Variants in RPS6KA2 observed in about 807,000 individuals in gnomAD.
The protein encoded by RPS6KA2 is ribosomal protein S6 kinase alpha-2.
A neutral mutation model predicts 91.8 loss-of-function variants in RPS6KA2; 42 were observed. The observed-to-expected ratio is 0.46, with a 90% CI of 0.36 to 0.59. RPS6KA2 has a LOEUF of 0.59. RPS6KA2 is among the 20% of genes least tolerant of loss of function. RPS6KA2 has a pLI of 0.00. For missense variants in RPS6KA2, 798 were observed against 978.5 expected, an observed-to-expected ratio of 0.82 and a Z score of 2.46; for synonymous variants, 414 against 393.6, an observed-to-expected ratio of 1.05 and a Z score of -0.61.
intron 2 of RPS6KA2, among the ~76,000 whole-genome samples, chr6:166,658,197 C>T (rs532391685): frequency 6.6e-6 from 1 of 152,228 alleles, no homozygotes; most frequent in East Asian, 1.9e-4. Flanking sequence ...TTTTTTACTC[C>T]TGGGCGTGAT....
chr6:166,432,595 C>T, intron 14 of RPS6KA2, 105 bp from the exon 15 acceptor site: 1 of 646,528 alleles, frequency 1.5e-6, no homozygotes, highest in Non-Finnish European at 2.8e-6. Flanking sequence ...CCAGGTGGCC[C>T]AATCACTACA....
chr6:166,443,448 C>T (rs1040828232), intron 14 of RPS6KA2, among the ~76,000 whole-genome samples: 6 of 152,314 alleles, frequency 3.9e-5, no homozygotes, highest in South Asian at 4.1e-4. Flanking sequence ...GCACTAAACA[C>T]GGTGAAAAAT....
intron 2 of RPS6KA2, among the ~76,000 whole-genome samples, chr6:166,758,524 C>T (rs536610407): frequency 3.1e-4 from 47 of 152,304 alleles, no homozygotes; most frequent in Non-Finnish European, 4.4e-4. Context: ...TGAGTACAGG[C>T]GGCAGGTTCA....
Position 166,749,765 on chromosome 6 carries a change from A to G in RPS6KA2, c.123+108435T>C, listed in dbSNP as rs549436471. ...CTCTTCCTCAGGCCCCCATCTCCTC[A>G]GGCCCCCATTTCCTCAGGTCCCCAT... On this transcript the variant is annotated intron_variant, in intron 2 of 21. Coordinates refer to the RPS6KA2 transcript ENST00000503859. 3.6e-3 allele frequency among the ~76,000 whole-genome samples: 326 copies of G among 90,932 alleles called. 5 individuals carry two copies. Among genetic ancestry groups the G allele is most frequent in the Admixed American group, 5.3e-3 (46 of 8,654 alleles). The allele number at this position is 90,932 out of a possible 152,430, so 59.7% of individuals were successfully genotyped here.
At chr6:166,647,974 ACAT>A (rs1787693788) in intron 2 of RPS6KA2, among the ~76,000 whole-genome samples, 1 of 72,550 alleles carries the variant, frequency 1.4e-5, no homozygotes, top group African/African-American at 5.9e-5. Context: ...ATACATACAC[ACAT>A]GCTCACACAC....
chr6:166,674,104 C>A (rs1336799802), intron 2 of RPS6KA2, among the ~76,000 whole-genome samples: 2 of 152,216 alleles, frequency 1.3e-5, no homozygotes, highest in African/African-American at 2.4e-5. Context: ...TGTACTGGTA[C>A]TCTTAGAGCC....
chr6:166,452,742 T>G (rs1779957223), intron 12 of RPS6KA2, among the ~76,000 whole-genome samples: 1 of 152,196 alleles, frequency 6.6e-6, no homozygotes, highest in African/African-American at 2.4e-5. Flanking sequence ...GGAAAATTAG[T>G]TCGTCATAAG....
At chr6:166,774,990 G>A (rs750756428) in intron 2 of RPS6KA2, among the ~76,000 whole-genome samples, 1 of 151,924 alleles carries the variant, frequency 6.6e-6, no homozygotes, top group African/African-American at 2.4e-5. Context: ...GTGGCACTGC[G>A]GATATTTTTA....
chr6:166,699,204 T>C (rs565240136), intron 2 of RPS6KA2, among the ~76,000 whole-genome samples: 1 of 152,160 alleles, frequency 6.6e-6, no homozygotes, highest in Non-Finnish European at 1.5e-5. Flanking sequence ...GTCAGAAAAC[T>C]ACCTGAAGAG....
intron 2 of RPS6KA2, among the ~76,000 whole-genome samples, chr6:166,759,083 G>GCA (rs3066790): frequency 0.01 from 1,070 of 105,376 alleles, 13 homozygotes; most frequent in African/African-American, 0.03. Flanking sequence ...GTGTGTGTGT[G>GCA]CACATGTGTG....
intron 2 of RPS6KA2, among the ~76,000 whole-genome samples, chr6:166,685,228 A>G (rs56113870): frequency 0.26 from 27,251 of 105,322 alleles, 2,366 homozygotes; most frequent in African/African-American, 0.4. Context: ...TGGAGTGTGT[A>G]TGCAGGCTGG....
chr6:166,519,478 C>T (rs3799663), intron 3 of RPS6KA2, among the ~76,000 whole-genome samples: 21,518 of 152,230 alleles, frequency 0.14, 1,767 homozygotes, highest in South Asian at 0.26. Flanking sequence ...TGCCGCGTTT[C>T]GGGTTTGGAT....
intron 2 of RPS6KA2, among the ~76,000 whole-genome samples, chr6:166,664,504 T>C (rs920421094): frequency 1.6e-4 from 25 of 152,348 alleles, no homozygotes; most frequent in African/African-American, 5.8e-4. Flanking sequence ...TGCCTGCCCC[T>C]TGCGGCATGG....
chr6:166,500,488 G>A lies in RPS6KA2; in HGVS notation c.604+399C>T, dbSNP rs1029118535. The stretch of plus-strand genomic sequence containing the variant: ...GCAGCAGTGCAGGCCGCACTCCAGC[G>A]AGACTCCAGATGTCTGCCCTCAGGT... On this transcript the variant is annotated intron_variant, in intron 7 of 20. Coordinates refer to ENST00000265678, the MANE Select transcript of RPS6KA2 (RefSeq NM_021135.6). This position sits in a 1 kb window ranked among gnomAD's most constrained non-coding sequence, Gnocchi z 4.3. Among the ~76,000 whole-genome samples, 4 of 152,102 alleles carry A rather than the reference G, an allele frequency of 2.6e-5. No individual in the cohort carries two copies. The highest frequency in any genetic ancestry group is 2.1e-4 in the South Asian group (1 of 4,818).
At chr6:166,480,509 ATATATAATATATTTT>A (rs1781170457) in intron 10 of RPS6KA2, among the ~76,000 whole-genome samples, 2 of 101,680 alleles carry the variant, frequency 2.0e-5, no homozygotes, top group East Asian at 7.2e-4. Context: ...ATATATATAT[ATATATAATATATTTT>A]TTTTTTTTGA....
chr6:166,765,615 T>G (rs1778291012), intron 2 of RPS6KA2, among the ~76,000 whole-genome samples: 1 of 152,242 alleles, frequency 6.6e-6, no homozygotes. Context: ...GAGACCTCGA[T>G]GTAGAAAGTG....
intron 2 of RPS6KA2, among the ~76,000 whole-genome samples, chr6:166,704,726 C>T (rs889567888): frequency 2.0e-5 from 3 of 152,212 alleles, no homozygotes; most frequent in Non-Finnish European, 2.9e-5. Flanking sequence ...GAACTCTCCT[C>T]GCTGGCGTCA....
Position 166,508,351 on chromosome 6 carries a change from TC to T in RPS6KA2, c.380-70del, listed in dbSNP as rs1782336411. On this transcript the variant is annotated intron_variant, in intron 4 of 20. Transcript: ENST00000265678. The surrounding 1 kb of genome is among the most constrained non-coding windows in gnomAD (Gnocchi z 4.3). ...CCTGTGGCAACATCGCTCTCTGGCTTCTCCCTGCTCACGGTGCTGCTTACTC... is the reference window on the plus strand; with the variant it reads ...CCTGTGGCAACATCGCTCTCTGGCTTTCCCTGCTCACGGTGCTGCTTACTC... The T allele has an allele frequency of 1.2e-5, 12 of 1,019,330 alleles. No individual in the cohort carries two copies. In the South Asian group the frequency reaches 1.6e-4, roughly 14 times the overall value. The allele number at this position is 1,019,330 out of a possible 1,614,324, so 63.1% of individuals were successfully genotyped here.
In RPS6KA2 at chr6:166,445,894, C is replaced by T. The variant is rs1030884394; in HGVS notation, c.1332+2830G>A. 6.6e-6 allele frequency among the ~76,000 whole-genome samples: 1 copy of T among 152,236 alleles called. No individual in the cohort carries two copies. The highest frequency in any genetic ancestry group is 1.5e-5 in the Non-Finnish European group (1 of 68,044). ...CTGCTGAGCTGAGATCCAACTCACA[C>T]ATCAGATAATCAGCTGCCACATGCT... On this transcript the variant is annotated intron_variant, in intron 14 of 20. Coordinates refer to ENST00000265678, the MANE Select transcript of RPS6KA2 (RefSeq NM_021135.6). This position sits in a 1 kb window ranked among gnomAD's most constrained non-coding sequence, Gnocchi z 4.5.
Sources: allele counts gnomAD v4.1 joint callset (sites outside exome capture counted in the v4.1 genomes callset), GRCh38; gene constraint gnomAD v4.1.1; non-coding constraint Gnocchi (gnomAD v3.1); transcripts MANE v1.5; gene names NCBI Gene and HGNC (gene_info 2026-07-23, HGNC 2026-07-21).